Variants in ATF6 observed in about 807,000 individuals in gnomAD.
The protein encoded by ATF6 is activating transcription factor 6.
ATF6 carries 53 observed loss-of-function variants against 83.6 expected under a neutral mutation model. The observed-to-expected ratio is 0.63, with a 90% CI of 0.51 to 0.80. The LOEUF is 0.80. Among genes scored for constraint, ATF6 ranks in the 30% least tolerant of loss-of-function variants. ATF6 has a pLI of 0.00. For missense variants in ATF6, 744 were observed against 797.9 expected, an observed-to-expected ratio of 0.93 and a Z score of 0.81; for synonymous variants, 288 against 285.8, an observed-to-expected ratio of 1.01 and a Z score of -0.08.
chr1:161,925,220 C>T (rs960668386), intron 15 of ATF6, among the ~76,000 whole-genome samples: 2 of 152,166 alleles, frequency 1.3e-5, no homozygotes, highest in Non-Finnish European at 2.9e-5. Flanking sequence ...TTTTCCACAT[C>T]TGTTAAAGAG....
chr1:161,912,493 C>A, intron 15 of ATF6, 113 bp downstream of exon 15: 1 of 518,164 alleles, frequency 1.9e-6, no homozygotes, highest in Non-Finnish European at 3.2e-6. Context: ...TATATCCGTA[C>A]ATTATTTCTG....
In ATF6 at chr1:161,833,830, C is replaced by T. The variant is rs577182118; in HGVS notation, c.1188-12619C>T. Among the ~76,000 whole-genome samples the T allele has an allele frequency of 4.2e-3, 645 of 152,306 alleles. 4 individuals are homozygous for T. Among genetic ancestry groups the T allele is most frequent in the African/African-American group, 0.015 (614 of 41,548 alleles). On this transcript the variant is annotated intron_variant, in intron 9 of 15. Coordinates refer to ENST00000367942, the MANE Select transcript of ATF6 (RefSeq NM_007348.4). ...GAATGGAACCAAGTTGGAAAACACT[C>T]TGCAGGATATTATCCAGGAGAACTT...
At chr1:161,775,903 T>TAC (rs1443347477) in intron 1 of ATF6, among the ~76,000 whole-genome samples, 2 of 152,050 alleles carry the variant, frequency 1.3e-5, no homozygotes, top group Non-Finnish European at 2.9e-5. Context: ...TGTGTATATA[T>TAC]ATATATATGT....
chr1:161,903,255 G>A (rs1490396676), intron 14 of ATF6, among the ~76,000 whole-genome samples: 1 of 152,048 alleles, frequency 6.6e-6, no homozygotes, highest in African/African-American at 2.4e-5. Context: ...TTATATTAAA[G>A]GAAATAAAAT....
At chr1:161,865,918 T>G (rs1431038917) in intron 14 of ATF6, among the ~76,000 whole-genome samples, 3 of 152,208 alleles carry the variant, frequency 2.0e-5, no homozygotes, top group Non-Finnish European at 4.4e-5. Context: ...TGGATTGTTC[T>G]TTTTGCTCTT....
At position 161,784,111 on chromosome 1, in the gene ATF6, T is replaced by A. The variant is rs1684695770; in HGVS notation, c.354+15T>A. 5 of 1,574,582 alleles carry A rather than the reference T, an allele frequency of 3.2e-6. No individual in the cohort carries two copies. In the South Asian group the frequency reaches 5.6e-5, roughly 18 times the overall value. On this transcript the variant is annotated intron_variant, in intron 4 of 15. Coordinates refer to ENST00000367942, the MANE Select transcript of ATF6 (RefSeq NM_007348.4). ...AGCATGTTCCTGTGAGTAGCCAGTC[T>A]TTTACAATGATTTTGGTTATAATAT...
At chr1:161,768,797 A>G (rs1316539830) in intron 1 of ATF6, among the ~76,000 whole-genome samples, 1 of 151,972 alleles carries the variant, frequency 6.6e-6, no homozygotes, top group Non-Finnish European at 1.5e-5. Context: ...CTGGTCTCCA[A>G]CTGGCCTCAG....
chr1:161,947,494 A>G (rs1688772586), intron 15 of ATF6, among the ~76,000 whole-genome samples: 1 of 152,194 alleles, frequency 6.6e-6, no homozygotes, highest in East Asian at 1.9e-4. Context: ...GGGCTTATGG[A>G]GATCTGATTA....
rs184025438 is a variant in ATF6 at position 161,904,141 on chromosome 1, C to T, written c.1720-8155C>T. 2.6e-5 allele frequency among the ~76,000 whole-genome samples: 4 copies of T among 152,274 alleles called. No individual in the cohort carries two copies. In the East Asian group the frequency reaches 7.7e-4, roughly 29 times the overall value. On this transcript the variant is annotated intron_variant, in intron 14 of 15. Coordinates refer to ENST00000367942, the MANE Select transcript of ATF6 (RefSeq NM_007348.4). ...TACATAGTTAGTACAGAACTTAATA[C>T]TATTATACTATTCTATACTATTTTA...
intron 10 of ATF6, among the ~76,000 whole-genome samples, chr1:161,848,256 C>T (rs757695485): frequency 9.9e-5 from 15 of 151,998 alleles, no homozygotes; most frequent in African/African-American, 3.4e-4. Context: ...AGTATAAATA[C>T]TGAATAAAAG....
intron 10 of ATF6, among the ~76,000 whole-genome samples, chr1:161,851,056 C>G (rs181067489): frequency 6.6e-6 from 1 of 152,082 alleles, no homozygotes; most frequent in African/African-American, 2.4e-5. Context: ...TCACATTCTT[C>G]CATGATCCCA....
At chr1:161,776,607 GTAA>G (rs900941125) in intron 1 of ATF6, among the ~76,000 whole-genome samples, 3 of 151,254 alleles carry the variant, frequency 2.0e-5, no homozygotes, top group Non-Finnish European at 4.4e-5. Flanking sequence ...AAATAATTAA[GTAA>G]TAATGATCCC....
chr1:161,893,196 C>T lies in ATF6; in HGVS notation c.1720-19100C>T, dbSNP rs575770949. On this transcript the variant is annotated intron_variant, in intron 14 of 15. Coordinates refer to ENST00000367942, the MANE Select transcript of ATF6 (RefSeq NM_007348.4). Reference sequence around the variant, plus strand: ...TTTCTTTTTTTTTGAGATGGAGTTTCGCTCTTGTTGACCAGGCTGGAGTGC... The same window carrying T: ...TTTCTTTTTTTTTGAGATGGAGTTTTGCTCTTGTTGACCAGGCTGGAGTGC... Among the ~76,000 whole-genome samples, 236 of 151,468 alleles carry T rather than the reference C, an allele frequency of 1.6e-3. 2 individuals are homozygous for T. The highest frequency in any genetic ancestry group is 3.9e-4 in the East Asian group (2 of 5,096).
intron 14 of ATF6, among the ~76,000 whole-genome samples, chr1:161,876,600 A>G (rs922028290): frequency 1.1e-4 from 17 of 152,172 alleles, no homozygotes; most frequent in Admixed American, 6.6e-5. Flanking sequence ...TTTCAGAATG[A>G]CATCACAACT....
intron 14 of ATF6, among the ~76,000 whole-genome samples, chr1:161,899,537 T>C (rs1310822328): frequency 6.6e-6 from 1 of 152,232 alleles, no homozygotes; most frequent in African/African-American, 2.4e-5. Flanking sequence ...CTTAAATGTG[T>C]AAAATTTAGA....
At chr1:161,928,089 T>A (rs1184972288) in intron 15 of ATF6, among the ~76,000 whole-genome samples, 3 of 152,206 alleles carry the variant, frequency 2.0e-5, no homozygotes, top group Non-Finnish European at 2.9e-5. Context: ...TTGGTCCTCA[T>A]AAAGCCTATG....
At chr1:161,806,381 A>G (rs1286782796) in intron 7 of ATF6, among the ~76,000 whole-genome samples, 1 of 152,210 alleles carries the variant, frequency 6.6e-6, no homozygotes, top group African/African-American at 2.4e-5. Context: ...CCTTGTTTTA[A>G]GGTTATAGGA....
At position 161,791,399 on chromosome 1, in the gene ATF6, A is replaced by G. The variant is rs754390316; in HGVS notation, c.355-9A>G. 4 of 1,595,878 alleles carry G rather than the reference A, an allele frequency of 2.5e-6. No homozygotes were observed. Among genetic ancestry groups the G allele is most frequent in the Middle Eastern group, 1.7e-4 (1 of 5,956 alleles). ...ATACTCATTAATTTTTGTTTTTATT[A>G]TGCTACAGGAGGAGTTGGATTTGTC... On this transcript the variant is annotated splice_polypyrimidine_tract_variant and intron_variant, in intron 4 of 15. Coordinates refer to ENST00000367942, the MANE Select transcript of ATF6 (RefSeq NM_007348.4).
intron 2 of ATF6, among the ~76,000 whole-genome samples, chr1:161,780,974 A>G (rs1052459652): frequency 3.3e-5 from 5 of 152,046 alleles, no homozygotes; most frequent in Admixed American, 2.6e-4. Context: ...TTGCTGTTTT[A>G]TCATTTGTGA....
Sources: allele counts gnomAD v4.1 joint callset (sites outside exome capture counted in the v4.1 genomes callset), GRCh38; gene constraint gnomAD v4.1.1; transcripts MANE v1.5; gene names NCBI Gene and HGNC (gene_info 2026-07-23, HGNC 2026-07-21).